Variants in PSMD3 observed in about 807,000 individuals in gnomAD.
PSMD3 encodes proteasome 26S subunit, non-ATPase 3, also known as 26S proteasome non-ATPase regulatory subunit 3.
Under a neutral mutation model 62.8 loss-of-function variants are expected in PSMD3, and 5 were observed. The ratio of observed to expected loss-of-function variants is 0.08; its 90% CI spans 0.04 to 0.17. The LOEUF is 0.17. PSMD3 is among the 10% of genes least tolerant of loss of function. PSMD3 has a pLI of 1.00. For missense variants in PSMD3, 524 were observed against 713.6 expected (o/e 0.73, Z 3.03); for synonymous variants, 265 against 283.9 (o/e 0.93, Z 0.67).
chr17:39,990,713 C>A (rs8080546), intron 6 of PSMD3, among the ~76,000 whole-genome samples: 23,349 of 152,214 alleles, frequency 0.15, 1,979 homozygotes, highest in African/African-American at 0.18. Flanking sequence ...GATTCCCCAG[C>A]GCTCCTGACA....
rs1197953177 is a variant in PSMD3, at chr17:39,996,468, G to A, written c.1476+130G>A. 2 of 1,294,756 alleles carry A rather than the reference G, an allele frequency of 1.5e-6. No individual in the cohort carries two copies. Among genetic ancestry groups the A allele is most frequent in the Non-Finnish European group, 2.1e-6 (2 of 932,404 alleles). The allele number at this position is 1,294,756 out of a possible 1,614,324, so 80.2% of individuals were successfully genotyped here. A position where few individuals can be genotyped will look rare whatever the true frequency, so the allele number is the denominator to read the frequency against. On this transcript the variant is annotated intron_variant, in intron 10 of 11. Coordinates refer to ENST00000264639, the MANE Select transcript of PSMD3 (RefSeq NM_002809.4). This position sits in a 1 kb window ranked among gnomAD's most constrained non-coding sequence, Gnocchi z 5.1. ...CAGCCAATCTCTGTAAAATCACTGA[G>A]CTGCAGCACAGGGGGCCCAGAATGG...
intron 4 of PSMD3, among the ~76,000 whole-genome samples, chr17:39,989,471 A>C (rs1229971399): frequency 6.6e-6 from 1 of 152,062 alleles, no homozygotes; most frequent in Non-Finnish European, 1.5e-5. Context: ...CAGGCCTCCC[A>C]TCTTCTGTCA....
intron 3 of PSMD3, among the ~76,000 whole-genome samples, chr17:39,987,933 C>G (rs1980563603): frequency 6.6e-6 from 1 of 152,158 alleles, no homozygotes; most frequent in Non-Finnish European, 1.5e-5. Context: ...TGGTGAAACC[C>G]TGTCTTTACT....
In PSMD3 at chr17:39,996,535, C is replaced by T. The variant is rs566928096; in HGVS notation, c.1476+197C>T. On this transcript the variant is annotated intron_variant, in intron 10 of 11. Transcript: ENST00000264639. This position sits in a 1 kb window ranked among gnomAD's most constrained non-coding sequence, Gnocchi z 5.1. The stretch of plus-strand genomic sequence containing the variant: ...TAGTTCCATAGCCAGTTGCCCTCTC[C>T]TATTGCGTTTAAGGGATGATGTGGT... Among the ~76,000 whole-genome samples the T allele has an allele frequency of 6.6e-6, 1 of 152,298 alleles. No individual in the cohort carries two copies. The highest frequency in any genetic ancestry group is 6.5e-5 in the Admixed American group (1 of 15,294).
At chr17:39,994,685 A>G in intron 6 of PSMD3, 6 of 481,048 alleles carry the variant, frequency 1.2e-5, no homozygotes, top group Non-Finnish European at 2.3e-5. Flanking sequence ...TTCAGAGCAG[A>G]CTACGCGCGG....
chr17:39,997,879 A>G lies in PSMD3; in HGVS notation c.*298A>G. On this transcript the variant is annotated 3_prime_UTR_variant, in exon 12 of 12. Coordinates refer to ENST00000264639, the MANE Select transcript of PSMD3 (RefSeq NM_002809.4). ...TGTGTACTCCTTTAGGGAGTGGGGG[A>G]CTAGAACTGGGATGTCTTGGCTTGT... 1 of 460,094 alleles carries G rather than the reference A, an allele frequency of 2.2e-6. No homozygotes were observed. The highest frequency in any genetic ancestry group is 2.9e-5 in the South Asian group (1 of 34,506). The allele number at this position is 460,094 out of a possible 1,614,324, so 28.5% of individuals were successfully genotyped here. A position where few individuals can be genotyped will look rare whatever the true frequency, so the allele number is the denominator to read the frequency against.
At chr17:39,990,229 CTTTTTTTT>C in intron 6 of PSMD3, 32 bp downstream of exon 6, 1 of 1,156,202 alleles carries the variant, frequency 8.6e-7, no homozygotes, top group Non-Finnish European at 1.2e-6. Context: ...CCCTTTGCCT[CTTTTTTTT>C]TTTTTTTTTT....
chr17:39,982,372 G>C (rs971089539), intron 1 of PSMD3, among the ~76,000 whole-genome samples: 2 of 152,196 alleles, frequency 1.3e-5, no homozygotes, highest in Non-Finnish European at 2.9e-5. Context: ...AAAAGCAGGG[G>C]ATAAAAAACA....
At chr17:39,986,297 G>C (rs1837387438) in intron 2 of PSMD3, among the ~76,000 whole-genome samples, 1 of 151,982 alleles carries the variant, frequency 6.6e-6, no homozygotes, top group Non-Finnish European at 1.5e-5. Flanking sequence ...GGGTCTCACT[G>C]TGTTGCCCAG....
intron 4 of PSMD3, among the ~76,000 whole-genome samples, chr17:39,989,030 C>CT (rs1184031301): frequency 6.6e-6 from 1 of 152,182 alleles, no homozygotes; most frequent in African/African-American, 2.4e-5. Context: ...CTGTAAAGAA[C>CT]TGTCCCCAGG....
At position 39,989,937 on chromosome 17, in the gene PSMD3, G is replaced by C. The variant is rs755572046; in HGVS notation, c.877+8G>C. ...GGTACCTCTACTACACAGGTGAGCA[G>C]AGGGGCCCAACCCATAAATCAGAAG... On this transcript the variant is annotated splice_region_variant and intron_variant, in intron 5 of 11. Transcript: ENST00000264639. The C allele has an allele frequency of 6.2e-7, 1 of 1,608,774 alleles. No individual in the cohort carries two copies. The highest frequency in any genetic ancestry group is 1.3e-5 in the African/African-American group (1 of 74,832).
rs1293318954 is a variant in PSMD3, at chr17:39,997,390, C to T, written c.1527+10C>T. 1 of 1,614,156 alleles carries T rather than the reference C, an allele frequency of 6.2e-7. No homozygotes were observed. The highest frequency in any genetic ancestry group is 1.6e-4 in the Middle Eastern group (1 of 6,062). On this transcript the variant is annotated intron_variant, in intron 11 of 11. Coordinates refer to ENST00000264639, the MANE Select transcript of PSMD3 (RefSeq NM_002809.4). ...CTTGGAGTCTGCAGAGGTAAGCTCT[C>T]TGCTTTCTGGGTGAGACCGAAAGGT...
At chr17:39,986,780 T>A (rs1980536892) in intron 3 of PSMD3, 68 bp downstream of exon 3, 5 of 1,554,300 alleles carry the variant, frequency 3.2e-6, no homozygotes, top group Non-Finnish European at 4.4e-6. Flanking sequence ...GGGGAGATGG[T>A]CCCTGGTGAA....
Position 39,981,147 on chromosome 17 carries a change from G to A in PSMD3, c.177G>A (p.Ala59=), listed in dbSNP as rs1424420938. 3.9e-6 allele frequency: 6 copies of A among 1,550,792 alleles called. No homozygotes were observed. Among genetic ancestry groups the A allele is most frequent in the Non-Finnish European group, 5.2e-6 (6 of 1,146,858 alleles). ...CAGACGGCAAGACGGCGGCGGCAGC[G>A]GCTGAGCACTCCCAGCGAGAGCTGG... ...GEADGKTAAA[A]AEHSQRELDT... The change falls in exon 1 of 12, where the codon GCG becomes GCA. Residue 59 remains alanine, a synonymous_variant. Coordinates refer to ENST00000264639, the MANE Select transcript of PSMD3 (RefSeq NM_002809.4).
chr17:39,990,553 T>A (rs1409663742), intron 6 of PSMD3, among the ~76,000 whole-genome samples: 1 of 152,202 alleles, frequency 6.6e-6, no homozygotes, highest in Non-Finnish European at 1.5e-5. Context: ...GGCCTCTGCC[T>A]CCCTAAGTGC....
intron 2 of PSMD3, 59 bp downstream of exon 2, chr17:39,984,543 C>A: frequency 6.9e-7 from 1 of 1,447,688 alleles, no homozygotes; most frequent in Non-Finnish European, 9.4e-7. Context: ...CCAGGAACAG[C>A]ATTGTTTTCC....
At chr17:39,985,238 CAAAA>C (rs1336419665) in intron 2 of PSMD3, among the ~76,000 whole-genome samples, 1 of 151,802 alleles carries the variant, frequency 6.6e-6, no homozygotes, top group East Asian at 1.9e-4. Flanking sequence ...CAAAACAAAA[CAAAA>C]AAAACCCCAC....
intron 6 of PSMD3, chr17:39,994,501 C>A (rs1254904556): frequency 5.3e-6 from 1 of 190,158 alleles, no homozygotes; most frequent in Non-Finnish European, 1.1e-5. Flanking sequence ...ATGCCTCTAC[C>A]CAGATAATGA....
intron 1 of PSMD3, among the ~76,000 whole-genome samples, chr17:39,983,461 T>C (rs1980436484): frequency 6.6e-6 from 1 of 152,226 alleles, no homozygotes; most frequent in Admixed American, 6.5e-5. Context: ...CGTCTCCATT[T>C]TTGTTTTGAA....
Sources: gnomAD v4.1 joint callset for allele counts (sites outside exome capture counted in the v4.1 genomes callset) on GRCh38, gnomAD v4.1.1 for gene constraint, Gnocchi (gnomAD v3.1) non-coding constraint, MANE v1.5 for transcripts, NCBI Gene and HGNC (gene_info 2026-07-23, HGNC 2026-07-21) for gene names.